Variants in KLRG1 observed in about 807,000 individuals in gnomAD.
The protein encoded by KLRG1 is killer cell lectin-like receptor subfamily G member 1.
Under a neutral mutation model 21.8 loss-of-function variants are expected in KLRG1, and 16 were observed. That is an observed-to-expected ratio of 0.73 (90% CI 0.50 to 1.11). KLRG1 has a LOEUF of 1.11. Among genes scored for constraint, KLRG1 ranks in the 50% most tolerant of loss-of-function variants. KLRG1 has a pLI of 0.00. For synonymous variants in KLRG1, 69 were observed against 75.9 expected (o/e 0.91, Z 0.47); for missense variants, 173 against 218.3 (o/e 0.79, Z 1.31).
At chr12:9,121,127 C>A in the KLRG1 span, among the ~76,000 whole-genome samples, 1 of 152,138 alleles carries the variant, frequency 6.6e-6, no homozygotes, top group East Asian at 1.9e-4. The surrounding 1 kb of genome is among the most constrained non-coding windows in gnomAD (Gnocchi z 4.4). Flanking sequence ...CTCACGGGAT[C>A]TTCCTATCTC....
the KLRG1 span, among the ~76,000 whole-genome samples, chr12:9,186,174 A>C: frequency 6.6e-6 from 1 of 152,212 alleles, no homozygotes; most frequent in Non-Finnish European, 1.5e-5. Context: ...TCATAAGTGA[A>C]GGAGAAATAA....
chr12:8,991,392 GA>G (rs1303549168), intron 1 of KLRG1, among the ~76,000 whole-genome samples: 1 of 152,080 alleles, frequency 6.6e-6, no homozygotes, highest in Non-Finnish European at 1.5e-5. Flanking sequence ...AAGCACTTCT[GA>G]AATGTAGATT....
At chr12:9,029,512 C>T in the KLRG1 span, among the ~76,000 whole-genome samples, 3 of 152,124 alleles carry the variant, frequency 2.0e-5, no homozygotes, top group African/African-American at 7.2e-5. Context: ...CCTGAATACA[C>T]TGTTATTAAC....
the KLRG1 span, chr12:9,058,654 G>A: frequency 6.6e-6 from 1 of 152,492 alleles, no homozygotes; most frequent in East Asian, 1.9e-4. Context: ...GAGGAATGAG[G>A]ATGTAAAATA....
At chr12:9,167,656 T>C in the KLRG1 span, 2 of 152,226 alleles carry the variant, frequency 1.3e-5, no homozygotes, top group Non-Finnish European at 2.9e-5. Context: ...TCTTAGCTCT[T>C]TTATTTCCTC....
the KLRG1 span, among the ~76,000 whole-genome samples, chr12:9,196,019 G>A: frequency 2.0e-3 from 308 of 152,142 alleles, 2 homozygotes; most frequent in Middle Eastern, 0.01. Flanking sequence ...TGCTGCCCAG[G>A]TCATGATAGA....
the KLRG1 span, chr12:9,066,791 T>C: frequency 1.3e-5 from 2 of 152,228 alleles, no homozygotes; most frequent in African/African-American, 4.8e-5. Flanking sequence ...TTCCAGTTCT[T>C]AGTTTATACA....
the KLRG1 span, among the ~76,000 whole-genome samples, chr12:9,051,945 C>T: frequency 1.3e-5 from 2 of 152,188 alleles, no homozygotes; most frequent in Admixed American, 6.5e-5. Flanking sequence ...TCTGTTCCTT[C>T]GTTTCCCACC....
At chr12:9,173,286 A>G in the KLRG1 span, among the ~76,000 whole-genome samples, 1 of 152,372 alleles carries the variant, frequency 6.6e-6, no homozygotes, top group East Asian at 1.9e-4. Flanking sequence ...GAGAACAAAG[A>G]GACAATGTAC....
chr12:9,029,669 G>A, the KLRG1 span, among the ~76,000 whole-genome samples: 8 of 151,414 alleles, frequency 5.3e-5, no homozygotes, highest in East Asian at 1.6e-3. Context: ...CCCCCTTATT[G>A]TGGATTTTGG....
chr12:9,091,824 C>G, the KLRG1 span, among the ~76,000 whole-genome samples: 1 of 152,208 alleles, frequency 6.6e-6, no homozygotes, highest in African/African-American at 2.4e-5. Context: ...GGATCTCTTA[C>G]AGGCAATCTG....
the KLRG1 span, among the ~76,000 whole-genome samples, chr12:9,055,046 C>T: frequency 7.2e-5 from 11 of 152,312 alleles, no homozygotes; most frequent in East Asian, 1.9e-3. Context: ...TCCAATAACA[C>T]GTGATTCTGT....
At chr12:9,108,732 A>G in the KLRG1 span, among the ~76,000 whole-genome samples, 1 of 151,828 alleles carries the variant, frequency 6.6e-6, no homozygotes. Context: ...AAGACTTTTC[A>G]AGGTTGGAAC....
chr12:8,972,627 G>A (rs556988261), intron 1 of KLRG1, among the ~76,000 whole-genome samples: 10 of 152,114 alleles, frequency 6.6e-5, no homozygotes, highest in South Asian at 2.1e-4. Flanking sequence ...CTGTAAATAC[G>A]TGGATTTGTT....
chr12:9,161,688 A>G, the KLRG1 span, among the ~76,000 whole-genome samples: 3 of 152,248 alleles, frequency 2.0e-5, no homozygotes, highest in Admixed American at 1.3e-4. Flanking sequence ...AGATAACATG[A>G]ATATACCTTA....
chr12:8,964,055 A>G (rs970390865), intron 1 of KLRG1, among the ~76,000 whole-genome samples: 4 of 151,978 alleles, frequency 2.6e-5, no homozygotes, highest in Non-Finnish European at 5.9e-5. Flanking sequence ...CTCTGATCTT[A>G]GTTATTTCTT....
At chr12:9,142,396 G>C in the KLRG1 span, among the ~76,000 whole-genome samples, 1 of 152,152 alleles carries the variant, frequency 6.6e-6, no homozygotes, top group Non-Finnish European at 1.5e-5. Context: ...ACACCTAATA[G>C]TATTTGGCAG....
chr12:9,103,156 G>T, the KLRG1 span, among the ~76,000 whole-genome samples: 241 of 152,248 alleles, frequency 1.6e-3, no homozygotes, highest in Middle Eastern at 3.4e-3. Context: ...AAAACTAAAT[G>T]CTAATTATGT....
chr12:8,952,697 A>G (rs1023653155), intron 1 of KLRG1, among the ~76,000 whole-genome samples: 3 of 152,216 alleles, frequency 2.0e-5, no homozygotes, highest in African/African-American at 7.2e-5. Flanking sequence ...AACTTCCATT[A>G]CCATTAAATA....
Sources: allele counts gnomAD v4.1 joint callset (sites outside exome capture counted in the v4.1 genomes callset), GRCh38; gene constraint gnomAD v4.1.1; non-coding constraint Gnocchi (gnomAD v3.1); transcripts MANE v1.5; gene names NCBI Gene and HGNC (gene_info 2026-07-23, HGNC 2026-07-21).